Variants in RDX observed in about 807,000 individuals in gnomAD.
RDX encodes the protein radixin, also known as deafness, autosomal recessive 24.
A neutral mutation model predicts 83.7 loss-of-function variants in RDX; 32 were observed. The ratio of observed to expected loss-of-function variants is 0.38; its 90% confidence interval spans 0.29 to 0.51. The LOEUF (loss-of-function observed/expected upper bound fraction) is 0.51, where lower values mean the gene tolerates loss of function less well. Ranked by LOEUF, RDX falls within the 20% of genes least tolerant of loss-of-function variation. The pLI, the probability that RDX is intolerant of heterozygous loss-of-function variation, is 0.87. For missense variants in RDX, 600 were observed against 689.9 expected (o/e 0.87, Z 1.46); for synonymous variants, 229 against 222.7 (o/e 1.03, Z -0.25).
chr11:110,177,937 A>G (rs1862809066), intron 15 of RDX, among the ~76,000 whole-genome samples: 1 of 151,812 alleles, frequency 6.6e-6, no homozygotes. Flanking sequence ...ACTCCCCCTC[A>G]TACCCGCCCA....
chr11:110,271,354 A>T (rs1324702446), intron 3 of RDX, among the ~76,000 whole-genome samples: 1 of 152,192 alleles, frequency 6.6e-6, no homozygotes, highest in Non-Finnish European at 1.5e-5. Flanking sequence ...TATTCTGACT[A>T]CAGGCTATTG....
chr11:110,295,887 G>T (rs1386762869), intron 1 of RDX, among the ~76,000 whole-genome samples: 1 of 152,064 alleles, frequency 6.6e-6, no homozygotes, highest in Admixed American at 6.5e-5. Context: ...CGGCGGGAGC[G>T]ACTGGCGCCC....
chr11:110,233,189 A>G (rs1864707552), intron 13 of RDX, 48 bp downstream of exon 13: 1 of 1,609,178 alleles, frequency 6.2e-7, no homozygotes, highest in African/African-American at 1.3e-5. Context: ...AGATGGGGAA[A>G]ATGCAAACTA....
intron 1 of RDX, among the ~76,000 whole-genome samples, chr11:110,294,350 T>C (rs1168360922): frequency 6.6e-6 from 1 of 152,226 alleles, no homozygotes; most frequent in Non-Finnish European, 1.5e-5. Context: ...GCCAAGATCA[T>C]GCCACTGCAT....
chr11:110,283,280 A>G (rs1404978242), intron 1 of RDX, among the ~76,000 whole-genome samples: 1 of 152,068 alleles, frequency 6.6e-6, no homozygotes, highest in Non-Finnish European at 1.5e-5. Flanking sequence ...CAGCCTCCCA[A>G]GTAGCTGGGA....
At chr11:110,280,706 T>A (rs927900443) in intron 1 of RDX, among the ~76,000 whole-genome samples, 1 of 152,252 alleles carries the variant, frequency 6.6e-6, no homozygotes, top group Non-Finnish European at 1.5e-5. Context: ...TTAGGACCTG[T>A]AATCCCAGCT....
chr11:110,229,211 C>T (rs1398948105), downstream of RDX, among the ~76,000 whole-genome samples: 2 of 151,930 alleles, frequency 1.3e-5, no homozygotes, highest in East Asian at 1.9e-4. Context: ...CCCTAAATTA[C>T]GTTTTGTTGT....
At chr11:110,177,943 GC>G (rs1410719859) in intron 15 of RDX, among the ~76,000 whole-genome samples, 1 of 151,486 alleles carries the variant, frequency 6.6e-6, no homozygotes, top group Non-Finnish European at 1.5e-5. Flanking sequence ...CCTCATACCC[GC>G]CCAGCACACA....
intron 7 of RDX, 60 bp downstream of exon 7, chr11:110,257,707 G>T: frequency 6.4e-7 from 1 of 1,557,428 alleles, no homozygotes; most frequent in Non-Finnish European, 8.8e-7. Flanking sequence ...CAGGACATAA[G>T]ATTAACGTCA....
At chr11:110,292,830 T>C (rs1861299176) in intron 1 of RDX, among the ~76,000 whole-genome samples, 1 of 152,232 alleles carries the variant, frequency 6.6e-6, no homozygotes, top group Non-Finnish European at 1.5e-5. Context: ...CAGGATGTTT[T>C]TTCTAAGGAG....
chr11:110,279,165 A>G (rs2134421282), intron 2 of RDX, among the ~76,000 whole-genome samples: 1 of 152,160 alleles, frequency 6.6e-6, no homozygotes, highest in Middle Eastern at 3.4e-3. Context: ...CCCTTACCAT[A>G]CTCCCTTGGG....
chr11:110,264,432 T>A (rs975915397), intron 4 of RDX, among the ~76,000 whole-genome samples, 198 bp from the exon 5 acceptor site: 1 of 152,174 alleles, frequency 6.6e-6, no homozygotes, highest in African/African-American at 2.4e-5. Context: ...GACCTATAAC[T>A]CAGATTCTAA....
intron 15 of RDX, among the ~76,000 whole-genome samples, chr11:110,186,073 T>A (rs1862981304): frequency 6.6e-6 from 1 of 152,224 alleles, no homozygotes. Context: ...ACCCATCAGC[T>A]TTGGGCTTAC....
At chr11:110,260,837 A>G (rs1002327444) in intron 5 of RDX, among the ~76,000 whole-genome samples, 1 of 152,204 alleles carries the variant, frequency 6.6e-6, no homozygotes, top group Non-Finnish European at 1.5e-5. Flanking sequence ...TATTACTACT[A>G]TGTAGTATAA....
chr11:110,287,728 A>G (rs1164450448), intron 1 of RDX, among the ~76,000 whole-genome samples: 2 of 152,188 alleles, frequency 1.3e-5, no homozygotes, highest in African/African-American at 4.8e-5. Flanking sequence ...CACTCTGCCT[A>G]CACTTCCTAT....
downstream of RDX, among the ~76,000 whole-genome samples, chr11:110,228,985 TAGTA>T (rs1864523773): frequency 6.6e-6 from 1 of 151,966 alleles, no homozygotes; most frequent in South Asian, 2.1e-4. Flanking sequence ...AGTTAAAAAT[TAGTA>T]AGAAGACTTG....
At chr11:110,209,443 G>A (rs1340585229) in intron 14 of RDX, among the ~76,000 whole-genome samples, 2 of 152,166 alleles carry the variant, frequency 1.3e-5, no homozygotes, top group African/African-American at 4.8e-5. Context: ...GGCTTGATTA[G>A]GTAAACAAAG....
At chr11:110,244,285 C>G (rs1036281013) in intron 10 of RDX, among the ~76,000 whole-genome samples, 11 of 138,856 alleles carry the variant, frequency 7.9e-5, no homozygotes, top group Admixed American at 4.8e-4. Flanking sequence ...TTGCCTGAAC[C>G]TGGGAGGCGA....
In RDX at chr11:110,264,099, T is replaced by C. The variant is rs765061992; in HGVS notation, c.328A>G (p.Ile110Val). Residue 110 changes from isoleucine to valine, a missense_variant, in exon 5 of 14, where the codon ATC becomes GTC. Transcript: ENST00000645495. ...GGGCAATATATCTCATCATTTAAGA[T>C]GGCTTCTTTAACTTGCAAGAAGAAG... ...RLFFLQVKEA[I>V]LNDEIYCPPE... 9.3e-6 allele frequency: 15 copies of C among 1,614,012 alleles called. No individual in the cohort carries two copies. In the South Asian group the frequency reaches 1.1e-4, roughly 12 times the overall value.
Sources: allele counts gnomAD v4.1 joint callset (sites outside exome capture counted in the v4.1 genomes callset), GRCh38; gene constraint gnomAD v4.1.1; transcripts MANE v1.5; gene names NCBI Gene and HGNC (gene_info 2026-07-23, HGNC 2026-07-21).